TNN: variants seen among roughly 807,000 people sequenced by gnomAD.
The protein encoded by TNN is tenascin-N.
A neutral mutation model predicts 134.4 loss-of-function variants in TNN; 122 were observed. The observed-to-expected ratio is 0.91, with a 90% CI of 0.78 to 1.06. The LOEUF is 1.06. TNN is among the 50% of genes least tolerant of loss of function. The probability of loss-of-function intolerance (pLI) is 0.00; values close to 1 mark genes in which losing one functional copy is unlikely to be tolerated. For synonymous variants in TNN, 710 were observed against 670.3 expected (o/e 1.06, Z -0.91); for missense variants, 1,739 against 1,699.4 (o/e 1.02, Z -0.41).
intron 17 of TNN, among the ~76,000 whole-genome samples, chr1:175,140,380 C>T (rs1164875230): frequency 1.3e-5 from 2 of 152,210 alleles, no homozygotes; most frequent in Non-Finnish European, 2.9e-5. Context: ...TTCTTTGGCC[C>T]GTGTGCCCCA....
At chr1:175,113,330 T>G (rs1675085167) in intron 9 of TNN, among the ~76,000 whole-genome samples, 1 of 152,248 alleles carries the variant, frequency 6.6e-6, no homozygotes, top group Non-Finnish European at 1.5e-5. Flanking sequence ...GGGTGTGGTA[T>G]TCTCAGTTGA....
intron 9 of TNN, among the ~76,000 whole-genome samples, chr1:175,111,721 A>G (rs933319977): frequency 2.6e-5 from 4 of 151,820 alleles, no homozygotes; most frequent in Admixed American, 6.6e-5. Flanking sequence ...TCTTTGGTTA[A>G]ATTTATTTAT....
chr1:175,085,041 G>C lies in TNN; in HGVS notation c.1235-364G>C, dbSNP rs888545415. ...AGGCTAAATGTCACAATGAGAAGGA[G>C]AGATGCTTTGGAAGGAAAAGGGTTG... On this transcript the variant is annotated intron_variant, in intron 5 of 18. Coordinates refer to ENST00000239462, the MANE Select transcript of TNN (RefSeq NM_022093.2). 2.0e-5 allele frequency among the ~76,000 whole-genome samples: 3 copies of C among 152,144 alleles called. No homozygotes were observed. The South Asian group carries it at 6.2e-4, about 32-fold the overall frequency.
intron 17 of TNN, among the ~76,000 whole-genome samples, chr1:175,141,697 C>G (rs1675948322): frequency 6.6e-6 from 1 of 152,180 alleles, no homozygotes; most frequent in African/African-American, 2.4e-5. Context: ...CTTTCCCAAC[C>G]TGGTGAATCC....
At chr1:175,089,629 G>A (rs993363672) in intron 6 of TNN, among the ~76,000 whole-genome samples, 1 of 152,176 alleles carries the variant, frequency 6.6e-6, no homozygotes, top group African/African-American at 2.4e-5. Flanking sequence ...TGAGTTTAAA[G>A]TCCTTTCTCT....
intron 1 of TNN, among the ~76,000 whole-genome samples, chr1:175,069,310 A>G (rs940139971): frequency 1.4e-4 from 22 of 152,312 alleles, no homozygotes; most frequent in East Asian, 3.9e-4. Context: ...CAGACACAGG[A>G]AAAAATAGAG....
intron 15 of TNN, among the ~76,000 whole-genome samples, chr1:175,130,280 GA>G (rs1675641422): frequency 2.0e-5 from 3 of 152,190 alleles, no homozygotes; most frequent in Admixed American, 2.0e-4. Context: ...GAGCAGCCAT[GA>G]ATAAAAAGAT....
At chr1:175,096,778 A>G (rs1260184897) in intron 7 of TNN, among the ~76,000 whole-genome samples, 1 of 152,228 alleles carries the variant, frequency 6.6e-6, no homozygotes, top group Non-Finnish European at 1.5e-5. Context: ...CATAGAGTTG[A>G]GGAGACAGAC....
chr1:175,118,544 A>G lies in TNN; in HGVS notation c.2387-17A>G, dbSNP rs761881003. The G allele has an allele frequency of 2.0e-4, 323 of 1,604,080 alleles. No individual in the cohort carries two copies. The highest frequency in any genetic ancestry group is 2.7e-4 in the Non-Finnish European group (318 of 1,176,530). ...CACCTGTTCATAGTGCATATTGGTC[A>G]GCATTTTTTTTTTCAGACATTGACA... On this transcript the variant is annotated splice_polypyrimidine_tract_variant and intron_variant, in intron 10 of 18. Transcript: ENST00000239462.
chr1:175,128,742 G>C lies in TNN; in HGVS notation c.3326G>C (p.Trp1109Ser), dbSNP rs1675598339. The C allele has an allele frequency of 6.2e-7, 1 of 1,612,384 alleles. No homozygotes were observed. The highest frequency in any genetic ancestry group is 1.3e-5 in the African/African-American group (1 of 74,904). The change falls in exon 15 of 19, where the codon TGG (tryptophan) becomes TCG (serine). Residue 1109 changes from tryptophan (W) to serine (S), a missense_variant. Coordinates refer to ENST00000239462, the MANE Select transcript of TNN (RefSeq NM_022093.2). The part of the protein sequence containing the change: ...YCDMETDGGG[W>S]IVFQRRNTGQ... ...GACATGGAAACGGACGGAGGTGGCT[G>C]GATTGTGAGTCACGCAGAACCCTGG...
intron 17 of TNN, among the ~76,000 whole-genome samples, chr1:175,137,375 T>TGTGTGC (rs1276016194): frequency 8.5e-5 from 6 of 70,914 alleles, no homozygotes; most frequent in Non-Finnish European, 3.6e-5. Context: ...TGTGTGTGTG[T>TGTGTGC]GTGTGTGTGT....
chr1:175,110,455 T>A (rs534772720), intron 9 of TNN, among the ~76,000 whole-genome samples: 1 of 152,376 alleles, frequency 6.6e-6, no homozygotes, highest in East Asian at 1.9e-4. Context: ...ACCAATGTTC[T>A]AAAGTGTTTC....
chr1:175,143,518 G>GGTGTGTAT (rs1553321067), intron 17 of TNN, among the ~76,000 whole-genome samples: 5 of 148,642 alleles, frequency 3.4e-5, no homozygotes, highest in African/African-American at 1.2e-4. Context: ...TTTGTGTGTA[G>GGTGTGTAT]GTGTGTGTGT....
At chr1:175,109,673 T>TTA (rs371435071) in intron 9 of TNN, among the ~76,000 whole-genome samples, 103 of 147,670 alleles carry the variant, frequency 7.0e-4, no homozygotes, top group South Asian at 2.5e-3. Flanking sequence ...TATATATATA[T>TTA]TATATATATA....
intron 17 of TNN, among the ~76,000 whole-genome samples, chr1:175,138,573 G>A (rs1274859818): frequency 6.6e-6 from 1 of 151,960 alleles, no homozygotes. Context: ...GTGAGAAAAA[G>A]TATGCAAAGA....
At chr1:175,123,724 A>G in intron 12 of TNN, 61 bp downstream of exon 12, 1 of 1,598,670 alleles carries the variant, frequency 6.3e-7, no homozygotes, top group Non-Finnish European at 8.5e-7. Flanking sequence ...ACCTTCCTCC[A>G]TCAGTGGGCT....
At position 175,118,652 on chromosome 1, in the gene TNN, G is replaced by A. The variant is rs1045839644; in HGVS notation, c.2478G>A (p.Arg826=). 3 of 1,614,208 alleles carry A rather than the reference G, an allele frequency of 1.9e-6. No individual in the cohort carries two copies. The highest frequency in any genetic ancestry group is 2.5e-6 in the Non-Finnish European group (3 of 1,180,032). Residue 826 remains arginine (R), a synonymous_variant, in exon 11 of 19, where the codon AGG becomes AGA. Transcript: ENST00000239462. ...ACCCGGTGCAGGCCACCATTGACAG[G>A]TATGTGGTGCACTACACGTCTGCCA... The part of the protein sequence containing the change: ...SWDPVQATID[R]YVVHYTSANG...
intron 17 of TNN, among the ~76,000 whole-genome samples, chr1:175,143,354 T>C (rs886234157): frequency 6.6e-6 from 1 of 152,176 alleles, no homozygotes; most frequent in African/African-American, 2.4e-5. Flanking sequence ...TTGCCTTTTA[T>C]GAGCAGAAAA....
chr1:175,092,217 G>A (rs1394356555), intron 6 of TNN, among the ~76,000 whole-genome samples: 9 of 152,250 alleles, frequency 5.9e-5, no homozygotes, highest in Admixed American at 5.9e-4. Context: ...GCAGGATCAT[G>A]TCTTGCACAG....
Sources: gnomAD v4.1 joint callset for allele counts (sites outside exome capture counted in the v4.1 genomes callset) on GRCh38, gnomAD v4.1.1 for gene constraint, MANE v1.5 for transcripts, NCBI Gene and HGNC (gene_info 2026-07-23, HGNC 2026-07-21) for gene names.